The following TTC28 variants were observed in gnomAD, a reference collection of about 807,000 sequenced individuals.
TTC28 encodes the protein tetratricopeptide repeat domain 28, also known as tetratricopeptide repeat protein 28.
A neutral mutation model predicts 198.0 loss-of-function variants in TTC28; 61 were observed. That is an observed-to-expected ratio of 0.31 (90% CI 0.25 to 0.38). The LOEUF (loss-of-function observed/expected upper bound fraction) is 0.38, where lower values mean the gene tolerates loss of function less well. Among genes scored for constraint, TTC28 ranks in the 10% least tolerant of loss-of-function variants. The pLI is 1.00. For missense variants in TTC28, 2,678 were observed against 3,164.0 expected (o/e 0.85, Z 3.69); for synonymous variants, 1,171 against 1,297.8 (o/e 0.90, Z 2.10).
intron 6 of TTC28, among the ~76,000 whole-genome samples, chr22:28,124,831 T>C (rs183718501): frequency 1.3e-5 from 2 of 152,298 alleles, no homozygotes; most frequent in Non-Finnish European, 2.9e-5. Context: ...AACTTGGAGT[T>C]GAGGTAGAAG....
At chr22:28,367,834 AC>A (rs2046272584) in intron 2 of TTC28, among the ~76,000 whole-genome samples, 1 of 152,020 alleles carries the variant, frequency 6.6e-6, no homozygotes, top group African/African-American at 2.4e-5. Flanking sequence ...AAATTCCTAG[AC>A]CCCTACAGCC....
intron 2 of TTC28, among the ~76,000 whole-genome samples, chr22:28,517,726 T>C (rs2048818668): frequency 6.6e-6 from 1 of 152,224 alleles, no homozygotes. Flanking sequence ...AAAAACTTCA[T>C]AAAGTCATTT....
intron 6 of TTC28, among the ~76,000 whole-genome samples, chr22:28,131,103 G>T (rs1384029293): frequency 8.5e-5 from 13 of 152,242 alleles, no homozygotes; most frequent in African/African-American, 2.9e-4. Context: ...TCAGTGCTAG[G>T]TGGTGGAGAT....
At chr22:28,577,092 G>T (rs901900007) in intron 2 of TTC28, among the ~76,000 whole-genome samples, 3 of 151,870 alleles carry the variant, frequency 2.0e-5, no homozygotes, top group Non-Finnish European at 4.4e-5. Context: ...CTAAATTTTT[G>T]ATGTAGACAC....
chr22:28,322,400 T>G (rs1311607337), intron 2 of TTC28, among the ~76,000 whole-genome samples: 2 of 152,314 alleles, frequency 1.3e-5, no homozygotes, highest in Middle Eastern at 6.8e-3. Context: ...ATCTATTATA[T>G]AGGCTTTTGG....
At chr22:28,633,164 C>T (rs1413521150) in intron 1 of TTC28, among the ~76,000 whole-genome samples, 1 of 151,296 alleles carries the variant, frequency 6.6e-6, no homozygotes. Context: ...CCTATAATCC[C>T]AGCTACTCAG....
At position 28,679,649 on chromosome 22, in the gene TTC28, C is replaced by T. The variant is rs1284310352; in HGVS notation, c.75G>A (p.Glu25=). The T allele has an allele frequency of 4.8e-6, 7 of 1,444,924 alleles. No homozygotes were observed. Among genetic ancestry groups the T allele is most frequent in the African/African-American group, 1.5e-5 (1 of 67,188 alleles). 89.5% of individuals were successfully genotyped at this position (1,444,924 alleles called of 1,614,324 possible). ...GCGCCGACGCCGGCGGCGACTCTGGCTCCCGCCGCCTTCGGCTCCTTGCGG... is the reference window on the plus strand; with the variant it reads ...GCGCCGACGCCGGCGGCGACTCTGGTTCCCGCCGCCTTCGGCTCCTTGCGG... ...PTPARSRRRR[E]PESPPASAPI... The change falls in exon 1 of 23, where the codon GAG becomes GAA. Residue 25 remains glutamate (E), a synonymous_variant. Transcript: ENST00000397906.
intron 19 of TTC28, among the ~76,000 whole-genome samples, chr22:27,991,134 T>C (rs1401571178): frequency 6.6e-6 from 1 of 152,004 alleles, no homozygotes; most frequent in Non-Finnish European, 1.5e-5. Context: ...AAGTCCCTGG[T>C]TCCTGAGTGA....
chr22:28,499,653 C>A (rs185506107), intron 2 of TTC28, among the ~76,000 whole-genome samples: 1 of 152,240 alleles, frequency 6.6e-6, no homozygotes, highest in Admixed American at 6.5e-5. Context: ...AAATTCACTG[C>A]TTCTGTCTTG....
At chr22:28,399,637 T>C (rs983304128) in intron 2 of TTC28, among the ~76,000 whole-genome samples, 2 of 152,290 alleles carry the variant, frequency 1.3e-5, no homozygotes, top group African/African-American at 4.8e-5. Context: ...AAAACATAAC[T>C]AGAAAAGTAA....
chr22:27,992,928 T>G (rs138645), intron 18 of TTC28: 56,747 of 535,294 alleles, frequency 0.11, 3,235 homozygotes, highest in Non-Finnish European at 0.12. Flanking sequence ...GCACCACCCC[T>G]AGTCAAGCAC....
intron 19 of TTC28, among the ~76,000 whole-genome samples, chr22:27,992,252 C>A (rs5752678): frequency 6.6e-6 from 1 of 152,222 alleles, no homozygotes; most frequent in East Asian, 1.9e-4. Flanking sequence ...AAGCACCCAG[C>A]TTCACCCTGG....
At chr22:28,291,373 T>C (rs952689576) in intron 5 of TTC28, among the ~76,000 whole-genome samples, 6 of 152,118 alleles carry the variant, frequency 3.9e-5, no homozygotes, top group African/African-American at 1.2e-4. Flanking sequence ...AGTACCACTA[T>C]AGAAGAAAAC....
At chr22:28,512,672 G>A (rs939690862) in intron 2 of TTC28, among the ~76,000 whole-genome samples, 1 of 152,154 alleles carries the variant, frequency 6.6e-6, no homozygotes, top group African/African-American at 2.4e-5. Flanking sequence ...AACTAATGCA[G>A]GAACAGAAAA....
chr22:28,227,555 A>G lies in TTC28; in HGVS notation c.934-63956T>C, dbSNP rs549740823. 1.2e-4 allele frequency among the ~76,000 whole-genome samples: 18 copies of G among 152,346 alleles called. No homozygotes were observed. The East Asian group carries it at 3.5e-3, about 29-fold the overall frequency. On this transcript the variant is annotated intron_variant, in intron 5 of 22. Coordinates refer to ENST00000397906, the MANE Select transcript of TTC28 (RefSeq NM_001145418.2). ...CAACCCAATTCAAAAATGGACTTGG[A>G]ACTTGAAGACATTTCTCCAAACAAG...
intron 5 of TTC28, among the ~76,000 whole-genome samples, chr22:28,245,759 G>A (rs1469949593): frequency 1.3e-5 from 2 of 152,122 alleles, no homozygotes; most frequent in Non-Finnish European, 2.9e-5. Context: ...CCACACTACA[G>A]ACAAATTAAC....
intron 2 of TTC28, among the ~76,000 whole-genome samples, chr22:28,371,280 G>A (rs1448475082): frequency 6.6e-6 from 1 of 151,460 alleles, no homozygotes; most frequent in Non-Finnish European, 1.5e-5. Flanking sequence ...CACTTTGGGA[G>A]GCTGAGGCAG....
At chr22:28,671,909 C>G (rs1451432569) in intron 1 of TTC28, among the ~76,000 whole-genome samples, 1 of 151,764 alleles carries the variant, frequency 6.6e-6, no homozygotes, top group Admixed American at 6.6e-5. Context: ...CTCCTGACCC[C>G]AAGTCATCTG....
rs894329693 is a variant in TTC28 at position 28,620,390 on chromosome 22, T to C, written c.381+9162A>G. 6.6e-5 allele frequency among the ~76,000 whole-genome samples: 10 copies of C among 151,560 alleles called. No homozygotes were observed. The East Asian group carries it at 7.7e-4, about 12-fold the overall frequency. On this transcript the variant is annotated intron_variant, in intron 2 of 22. Coordinates refer to ENST00000397906, the MANE Select transcript of TTC28 (RefSeq NM_001145418.2). ...AAGAAAGAAACAATAGCCAACATCA[T>C]AGACAGCTCAACTGGTTCAGCTTAC...
Sources: gnomAD v4.1 joint callset for allele counts (sites outside exome capture counted in the v4.1 genomes callset) on GRCh38, gnomAD v4.1.1 for gene constraint, MANE v1.5 for transcripts, NCBI Gene and HGNC (gene_info 2026-07-23, HGNC 2026-07-21) for gene names.